TPO: variants seen among roughly 807,000 people sequenced by gnomAD.
The protein encoded by TPO is thyroid microsomal antigen.
TPO carries 78 observed loss-of-function variants against 96.9 expected under a neutral mutation model. That is an observed-to-expected ratio of 0.81 (90% CI 0.67 to 0.97). The LOEUF (loss-of-function observed/expected upper bound fraction) is 0.97. Ranked by LOEUF, TPO falls within the 50% of genes least tolerant of loss-of-function variation. The probability of loss-of-function intolerance (pLI) is 0.00; values close to 1 mark genes in which losing one functional copy is unlikely to be tolerated. For synonymous variants in TPO, 547 were observed against 538.0 expected (o/e 1.02, Z -0.23); for missense variants, 1,252 against 1,274.8 (o/e 0.98, Z 0.27).
At chr2:1,495,024 G>A (rs971672760) in intron 11 of TPO, among the ~76,000 whole-genome samples, 7 of 152,184 alleles carry the variant, frequency 4.6e-5, no homozygotes, top group South Asian at 2.1e-4. Flanking sequence ...GAAGCCACTC[G>A]CTCAGAAGGG....
Position 1,378,204 on chromosome 2 carries a change from A to G in TPO, n.180+3802A>G, listed in dbSNP as rs1440223519. ...ATTACCCAGTCTCAGGTATGTCTTTATCAGCATGAAAATGGACTAATACAC... is the reference window on the plus strand; with the variant it reads ...ATTACCCAGTCTCAGGTATGTCTTTGTCAGCATGAAAATGGACTAATACAC... On this transcript the variant is annotated intron_variant and non_coding_transcript_variant, in intron 1 of 5. Coordinates refer to the TPO transcript ENST00000497517. Among the ~76,000 whole-genome samples the G allele has an allele frequency of 2.0e-5, 3 of 152,196 alleles. 1 individual carries two copies. The highest frequency in any genetic ancestry group is 1.3e-4 in the Admixed American group (2 of 15,282).
chr2:1,450,758 C>T (rs940083629), intron 5 of TPO, among the ~76,000 whole-genome samples: 2 of 152,120 alleles, frequency 1.3e-5, no homozygotes. Flanking sequence ...CAAAAAAAAT[C>T]ACTGCTTAAG....
chr2:1,539,381 C>T (rs965504611), intron 15 of TPO, among the ~76,000 whole-genome samples: 5 of 152,166 alleles, frequency 3.3e-5, no homozygotes, highest in African/African-American at 4.8e-5. Context: ...CAAACTCAAG[C>T]GACACCCCAG....
At chr2:1,446,024 C>G (rs1666773634) in intron 5 of TPO, among the ~76,000 whole-genome samples, 1 of 152,158 alleles carries the variant, frequency 6.6e-6, no homozygotes, top group Admixed American at 6.5e-5. Context: ...GAGTGGATTC[C>G]TGCTATTAAA....
At chr2:1,509,383 A>G (rs1248543352) in intron 14 of TPO, among the ~76,000 whole-genome samples, 1 of 151,470 alleles carries the variant, frequency 6.6e-6, no homozygotes, top group Non-Finnish European at 1.5e-5. Context: ...CTCTTCTTTC[A>G]GGGACAGCAC....
chr2:1,480,860 A>C (rs1670575403), intron 8 of TPO, among the ~76,000 whole-genome samples: 3 of 59,118 alleles, frequency 5.1e-5, no homozygotes, highest in South Asian at 4.6e-4. Flanking sequence ...TACCCACTCT[A>C]ATTTGTCAGG....
intron 1 of TPO, among the ~76,000 whole-genome samples, chr2:1,380,218 C>T (rs1181327491): frequency 1.3e-5 from 2 of 151,938 alleles, no homozygotes; most frequent in Non-Finnish European, 2.9e-5. Flanking sequence ...TACGGTGAAA[C>T]CCCGTCTCTA....
At chr2:1,393,239 C>T (rs1170819830) in intron 1 of TPO, among the ~76,000 whole-genome samples, 3 of 152,126 alleles carry the variant, frequency 2.0e-5, no homozygotes, top group African/African-American at 7.2e-5. Flanking sequence ...GGAGGTTCTG[C>T]ACACTTCAAC....
rs1126797 is a variant in TPO at position 1,494,031 on chromosome 2, C to T, written c.1998C>T (p.Asp666=). ...LIGKQMKALR[D]GDWFWWENSH... is the part of the protein sequence containing the mutation. ...GGAAGCAGATGAAGGCTCTGCGGGACGGTGACTGGTACGTTCCTATCCAGA... is the reference window on the plus strand; with the variant it reads ...GGAAGCAGATGAAGGCTCTGCGGGATGGTGACTGGTACGTTCCTATCCAGA... The change falls in exon 11 of 17, where the codon GAC becomes GAT. Residue 666 remains aspartate (D), a synonymous_variant. Coordinates refer to ENST00000329066, the MANE Select transcript of TPO (RefSeq NM_001206744.2). 590,683 of 1,613,066 alleles carry T rather than the reference C, an allele frequency of 0.37. 108,884 individuals are homozygous for T. Among genetic ancestry groups the T allele is most frequent in the East Asian group, 0.45 (19,971 of 44,832 alleles).
chr2:1,481,027 T>G (rs1670593698), intron 8 of TPO, among the ~76,000 whole-genome samples: 1 of 150,984 alleles, frequency 6.6e-6, no homozygotes, highest in South Asian at 2.1e-4. Flanking sequence ...TGCTGGTTCC[T>G]GGGATCCGGC....
At chr2:1,416,624 G>A (rs147207702) in intron 2 of TPO, among the ~76,000 whole-genome samples, 14 of 152,282 alleles carry the variant, frequency 9.2e-5, no homozygotes, top group African/African-American at 2.2e-4. Context: ...CAACTGCCCC[G>A]CGTGCTGGGC....
chr2:1,479,944 G>C (rs1573362190), intron 8 of TPO, among the ~76,000 whole-genome samples: 1 of 152,192 alleles, frequency 6.6e-6, no homozygotes, highest in East Asian at 1.9e-4. Context: ...ACCACTCCCA[G>C]CTGATTTTTA....
Position 1,388,315 on chromosome 2 carries a change from C to T in TPO, n.180+13913C>T, listed in dbSNP as rs557240674. ...TGTGCCCTGCCCCCAGAGGTGGAGT[C>T]TACAGAGGCAGGCAGGCCTCCTTGA... On this transcript the variant is annotated intron_variant and non_coding_transcript_variant, in intron 1 of 5. Transcript: ENST00000497517. Among the ~76,000 whole-genome samples, 90 of 152,336 alleles carry T rather than the reference C, an allele frequency of 5.9e-4. 1 individual carries two copies. Among genetic ancestry groups the T allele is most frequent in the African/African-American group, 2.1e-3 (86 of 41,584 alleles).
intron 13 of TPO, among the ~76,000 whole-genome samples, chr2:1,499,817 G>A (rs140486980): frequency 1.6e-4 from 24 of 152,296 alleles, no homozygotes; most frequent in South Asian, 2.1e-4. Flanking sequence ...AGACATTTCC[G>A]TAGCCATTTA....
chr2:1,431,110 G>T (rs1192662228), intron 3 of TPO, among the ~76,000 whole-genome samples: 1 of 152,132 alleles, frequency 6.6e-6, no homozygotes, highest in East Asian at 1.9e-4. Context: ...GTTAAAATGT[G>T]ATTCTGGATG....
At chr2:1,424,795 G>A (rs192744931) in intron 3 of TPO, among the ~76,000 whole-genome samples, 83 of 151,004 alleles carry the variant, frequency 5.5e-4, no homozygotes, top group South Asian at 1.5e-3. Context: ...TCAGAAGTCC[G>A]TGCTCCTTCT....
chr2:1,409,789 T>A (rs1381658377), upstream of TPO, among the ~76,000 whole-genome samples: 1 of 102,366 alleles, frequency 9.8e-6, no homozygotes, highest in Admixed American at 1.2e-4. Context: ...CAAAAAACAG[T>A]GCGCGCACAC....
intron 1 of TPO, among the ~76,000 whole-genome samples, chr2:1,398,742 C>T (rs1485694086): frequency 1.3e-5 from 2 of 152,212 alleles, no homozygotes; most frequent in Non-Finnish European, 2.9e-5. Flanking sequence ...GGGTGCCCTT[C>T]CCCCAAGGAA....
At chr2:1,491,005 C>T (rs1671723203) in intron 10 of TPO, among the ~76,000 whole-genome samples, 1 of 152,056 alleles carries the variant, frequency 6.6e-6, no homozygotes, top group Non-Finnish European at 1.5e-5. Flanking sequence ...CCTGTCTCTA[C>T]TAAAAATATA....
Sources: allele counts gnomAD v4.1 joint callset (sites outside exome capture counted in the v4.1 genomes callset), GRCh38; gene constraint gnomAD v4.1.1; transcripts MANE v1.5; gene names NCBI Gene and HGNC (gene_info 2026-07-23, HGNC 2026-07-21).